PDZD9: variants seen among roughly 807,000 people sequenced by gnomAD.
PDZD9 encodes PDZ domain-containing protein 9.
Under a neutral mutation model 16.3 loss-of-function variants are expected in PDZD9, and 13 were observed. The ratio of observed to expected loss-of-function variants is 0.80; its 90% confidence interval spans 0.52 to 1.27. The LOEUF is 1.27. Among genes scored for constraint, PDZD9 ranks in the 50% most tolerant of loss-of-function variants. PDZD9 has a pLI of 0.00. For synonymous variants in PDZD9, 120 were observed against 111.0 expected (o/e 1.08, Z -0.51); for missense variants, 288 against 310.9 (o/e 0.93, Z 0.55).
chr16:21,990,927 C>T (rs1899006307), intron 2 of PDZD9, among the ~76,000 whole-genome samples: 1 of 152,206 alleles, frequency 6.6e-6, no homozygotes, highest in African/African-American at 2.4e-5. Context: ...TGAACACCAA[C>T]CTCATTACAC....
the PDZD9 span, chr16:21,958,587 G>C: frequency 3.1e-6 from 5 of 1,612,174 alleles, no homozygotes; most frequent in South Asian, 2.2e-5. Context: ...GAAGCAGTTG[G>C]TGGCAAATTA....
At chr16:22,000,572 G>T (rs1372641871) in intron 1 of PDZD9, among the ~76,000 whole-genome samples, 1 of 151,938 alleles carries the variant, frequency 6.6e-6, no homozygotes, top group Non-Finnish European at 1.5e-5. Context: ...ATTATACCTT[G>T]ATAAAAATAA....
Position 22,001,051 on chromosome 16 carries a change from C to T in PDZD9, c.-4G>A, listed in dbSNP as rs1164906490. On this transcript the variant is annotated 5_prime_UTR_variant, in exon 1 of 4. Coordinates refer to ENST00000424898, the MANE Select transcript of PDZD9 (RefSeq NM_001363519.1). ...TTTTGTGGGAGGCCTTCTGCATGGT[C>T]CCGGGAGGTCAGGCAGCCCGGGAGG... is the stretch of plus-strand genomic sequence containing the variant. 7.9e-6 allele frequency: 12 copies of T among 1,527,906 alleles called. No individual in the cohort carries two copies. Among genetic ancestry groups the T allele is most frequent in the Non-Finnish European group, 9.6e-6 (11 of 1,143,564 alleles). 94.6% of individuals were successfully genotyped at this position (1,527,906 alleles called of 1,614,324 possible). A position where few individuals can be genotyped will look rare whatever the true frequency, so the allele number is the denominator to read the frequency against.
downstream of PDZD9, chr16:21,980,473 C>G: frequency 6.6e-7 from 1 of 1,511,498 alleles, no homozygotes; most frequent in Non-Finnish European, 9.0e-7. Flanking sequence ...ATGTTCACAG[C>G]CCCCCGCCAC....
chr16:21,984,782 C>A, intron 3 of PDZD9, 122 bp from the exon 4 acceptor site: 1 of 636,854 alleles, frequency 1.6e-6, no homozygotes, highest in Non-Finnish European at 2.4e-6. Context: ...TTAGCATTAC[C>A]TTTCTGTGTC....
At chr16:21,988,155 G>A (rs1267898234) in intron 3 of PDZD9, among the ~76,000 whole-genome samples, 5 of 151,844 alleles carry the variant, frequency 3.3e-5, no homozygotes, top group Admixed American at 2.0e-4. Flanking sequence ...TTACAGGCAC[G>A]CGCCACCACA....
At chr16:21,972,183 A>G in the PDZD9 span, 2 of 1,526,740 alleles carry the variant, frequency 1.3e-6, no homozygotes, top group Non-Finnish European at 1.8e-6. Context: ...TTAAGATATA[A>G]TTCTGATAAT....
chr16:21,987,680 G>T lies in PDZD9; in HGVS notation c.401+922C>A, dbSNP rs75619890. ...AGCAAGATAAAGACAGAAGAATCTAGTGGGATCAGAAGTGTGAAGGCTATG... is the reference window on the plus strand; with the variant it reads ...AGCAAGATAAAGACAGAAGAATCTATTGGGATCAGAAGTGTGAAGGCTATG... On this transcript the variant is annotated intron_variant, in intron 3 of 3. Transcript: ENST00000424898. 6.3e-3 allele frequency among the ~76,000 whole-genome samples: 952 copies of T among 152,288 alleles called. 8 individuals are homozygous for T. The highest frequency in any genetic ancestry group is 0.048 in the Middle Eastern group (14 of 294).
chr16:21,973,159 G>A, the PDZD9 span, among the ~76,000 whole-genome samples: 1 of 152,078 alleles, frequency 6.6e-6, no homozygotes, highest in South Asian at 2.1e-4. Flanking sequence ...GCTTTACGTG[G>A]ACTGAGCCAA....
At position 21,996,610 on chromosome 16, in the gene PDZD9, C is replaced by T. The variant is rs995245355; in HGVS notation, c.32-109G>A. The T allele has an allele frequency of 4.1e-5, 42 of 1,036,062 alleles. 1 individual carries two copies. In the South Asian group the frequency reaches 7.2e-4, roughly 18 times the overall value. The allele number at this position is 1,036,062 out of a possible 1,614,324, so 64.2% of individuals were successfully genotyped here. On this transcript the variant is annotated intron_variant, in intron 1 of 3. Coordinates refer to ENST00000424898, the MANE Select transcript of PDZD9 (RefSeq NM_001363519.1). ...CTGGGACAGTTATTTAATCCCTGTT[C>T]CTCAGATTCCTTGTCAGTAAAATGA...
At chr16:21,981,920 A>G (rs538072458), downstream of PDZD9, among the ~76,000 whole-genome samples, 1 of 149,394 alleles carries the variant, frequency 6.7e-6, no homozygotes, top group African/African-American at 2.5e-5. Context: ...GGCTCAGTAC[A>G]ACCTCCGCCT....
chr16:21,959,237 G>A, the PDZD9 span: 105 of 159,478 alleles, frequency 6.6e-4, 1 homozygote, highest in Non-Finnish European at 9.8e-4. Flanking sequence ...GTTTTTAGCC[G>A]TTTACCCACA....
chr16:21,988,244 A>G (rs1212333077), intron 3 of PDZD9, among the ~76,000 whole-genome samples: 9 of 151,904 alleles, frequency 5.9e-5, no homozygotes, highest in African/African-American at 1.7e-4. Flanking sequence ...TCGTGACCTC[A>G]TGATCCACCC....
intron 1 of PDZD9, 142 bp downstream of exon 1, chr16:22,000,875 T>TGAA: frequency 1.4e-6 from 1 of 700,376 alleles, no homozygotes; most frequent in Non-Finnish European, 2.4e-6. Context: ...ATGATGATGA[T>TGAA]AATGATGATG....
In PDZD9 at chr16:21,984,137, A is replaced by G. The variant is rs958281819; in HGVS notation, c.*130T>C. 4.9e-6 allele frequency: 5 copies of G among 1,020,134 alleles called. No individual in the cohort carries two copies. The highest frequency in any genetic ancestry group is 2.5e-5 in the East Asian group (1 of 40,444). 63.2% of individuals were successfully genotyped at this position (1,020,134 alleles called of 1,614,324 possible). A position where few individuals can be genotyped will look rare whatever the true frequency, so the allele number is the denominator to read the frequency against. ...GTTGAAGAACATCTCTAAAGGCTTT[A>G]TAACGCAGTCATAAGAGAAGAGAAT... On this transcript the variant is annotated 3_prime_UTR_variant, in exon 4 of 4. Transcript: ENST00000424898.
the PDZD9 span, among the ~76,000 whole-genome samples, chr16:21,963,929 T>C: frequency 4.6e-5 from 7 of 152,362 alleles, 1 homozygote; most frequent in South Asian, 1.5e-3. Context: ...TAGGAATCTT[T>C]TTTGCATTCA....
chr16:21,961,368 A>G, the PDZD9 span: 1 of 440,502 alleles, frequency 2.3e-6, no homozygotes. Flanking sequence ...TGAGACCACT[A>G]TACAGCCATT....
chr16:21,962,317 T>C, the PDZD9 span: 508 of 929,440 alleles, frequency 5.5e-4, 2 homozygotes, highest in East Asian at 9.3e-3. Flanking sequence ...AGTTGGTTAA[T>C]ATGTGGAGTT....
chr16:21,975,164 A>G, the PDZD9 span, among the ~76,000 whole-genome samples: 1 of 152,170 alleles, frequency 6.6e-6, no homozygotes, highest in South Asian at 2.1e-4. Context: ...GGCAGGTGAG[A>G]AGTATGAGGA....
Sources: gnomAD v4.1 joint callset for allele counts (sites outside exome capture counted in the v4.1 genomes callset) on GRCh38, gnomAD v4.1.1 for gene constraint, MANE v1.5 for transcripts, NCBI Gene and HGNC (gene_info 2026-07-23, HGNC 2026-07-21) for gene names.